CFAP52: variants seen among roughly 807,000 people sequenced by gnomAD.
CFAP52 encodes the protein cilia and flagella associated protein 52.
In CFAP52, 57 loss-of-function variants were observed where a neutral mutation model predicts 70.5. The observed-to-expected ratio is 0.81, with a 90% CI of 0.65 to 1.01. The LOEUF (loss-of-function observed/expected upper bound fraction) is 1.01, where lower values mean the gene tolerates loss of function less well. CFAP52 is among the 50% of genes least tolerant of loss of function. The probability of loss-of-function intolerance (pLI) is 0.00; values close to 1 mark genes in which losing one functional copy is unlikely to be tolerated. For missense variants in CFAP52, 785 were observed against 788.5 expected (o/e 1.00, Z 0.05); for synonymous variants, 267 against 292.5 (o/e 0.91, Z 0.89).
At chr17:9,645,415 G>T, downstream of CFAP52, 1 of 297,306 alleles carries the variant, frequency 3.4e-6, no homozygotes, top group Non-Finnish European at 5.9e-6. This position sits in a 1 kb window ranked among gnomAD's most constrained non-coding sequence, Gnocchi z 6.8. Flanking sequence ...GGCAGGGGTA[G>T]GGGTGGCCCG....
At chr17:9,623,381 A>G (rs1910119245) in intron 8 of CFAP52, among the ~76,000 whole-genome samples, 2 of 152,094 alleles carry the variant, frequency 1.3e-5, no homozygotes, top group African/African-American at 4.8e-5. Context: ...ATCCATTCTG[A>G]TAATCTCTGC....
At chr17:9,600,044 A>T in intron 5 of CFAP52, 23 bp from the exon 6 acceptor site, 1 of 1,608,890 alleles carries the variant, frequency 6.2e-7, no homozygotes, top group Non-Finnish European at 8.5e-7. Flanking sequence ...GCTGGCCAAG[A>T]TTTCTTTTTC....
chr17:9,599,174 C>T (rs1377435673), intron 5 of CFAP52, among the ~76,000 whole-genome samples: 1 of 152,160 alleles, frequency 6.6e-6, no homozygotes, highest in African/African-American at 2.4e-5. Context: ...CTTCCAAGTT[C>T]AGCATCTCTA....
At chr17:9,592,349 A>AC (rs1908802787) in intron 3 of CFAP52, among the ~76,000 whole-genome samples, 1 of 151,914 alleles carries the variant, frequency 6.6e-6, no homozygotes, top group African/African-American at 2.4e-5. Flanking sequence ...GGCCCCTGTA[A>AC]CCCCAGCTAC....
At chr17:9,633,675 C>CTT (rs555923244) in intron 10 of CFAP52, among the ~76,000 whole-genome samples, 8 of 138,542 alleles carry the variant, frequency 5.8e-5, no homozygotes, top group South Asian at 2.3e-4. Context: ...GTCATCTTAT[C>CTT]TTTTTTTTTT....
In CFAP52 at chr17:9,612,420, CAA is replaced by C. The variant is rs774470421; in HGVS notation, c.968_969del (p.Lys323ArgfsTer10). The C allele has an allele frequency of 7.4e-6, 12 of 1,614,052 alleles. No homozygotes were observed. The highest frequency in any genetic ancestry group is 1.0e-5 in the Non-Finnish European group (12 of 1,180,044). ...TTTATCGTGTCAGCTTCACGGATTT[CAA>C]AGAGACGCTCATAGCGACTTGTCAC... The part of the protein sequence containing the change: ...HIYRVSFTDF[K>X]ETLIATCHFD... On this transcript the variant is annotated frameshift_variant, in exon 8 of 14. Transcript: ENST00000352665. LOFTEE classifies it high-confidence loss of function.
At chr17:9,594,946 G>A (rs1279819032) in intron 4 of CFAP52, among the ~76,000 whole-genome samples, 2 of 146,044 alleles carry the variant, frequency 1.4e-5, no homozygotes, top group Non-Finnish European at 3.0e-5. Flanking sequence ...GCTGTAGTGC[G>A]GTGGCATGAT....
At position 9,629,609 on chromosome 17, in the gene CFAP52, G is replaced by A. The variant is rs377327479; in HGVS notation, c.1174+789G>A. ...GTTGCCCAAGCTGGAGTGCAATGGC[G>A]CGATCTAGGCTCACTGCAACCTCTG... On this transcript the variant is annotated intron_variant, in intron 9 of 13. Coordinates refer to ENST00000352665, the MANE Select transcript of CFAP52 (RefSeq NM_145054.5). 6.9e-5 allele frequency among the ~76,000 whole-genome samples: 10 copies of A among 145,756 alleles called. No individual in the cohort carries two copies. The South Asian group carries it at 8.6e-4, about 13-fold the overall frequency.
At chr17:9,635,365 C>T (rs1413442891) in intron 10 of CFAP52, 40 bp from the exon 11 acceptor site, 2 of 1,611,598 alleles carry the variant, frequency 1.2e-6, no homozygotes, top group Non-Finnish European at 1.7e-6. Flanking sequence ...CTTCAGAAGT[C>T]CCAAGTGTGG....
At chr17:9,641,904 C>A in intron 13 of CFAP52, 69 bp downstream of exon 13, 1 of 1,383,994 alleles carries the variant, frequency 7.2e-7, no homozygotes, top group Non-Finnish European at 1.0e-6. Context: ...AACTCCCAGG[C>A]TAGAGGCAAT....
rs539397527 is a variant in CFAP52, at chr17:9,631,633, T to C, written c.1175-1255T>C. Among the ~76,000 whole-genome samples, 5 of 151,562 alleles carry C rather than the reference T, an allele frequency of 3.3e-5. No homozygotes were observed. The East Asian group carries it at 9.7e-4, about 29-fold the overall frequency. On this transcript the variant is annotated intron_variant, in intron 9 of 13. Coordinates refer to ENST00000352665, the MANE Select transcript of CFAP52 (RefSeq NM_145054.5). ...GCTTAGTGGGTAGTTGGGCTAGGGG[T>C]GCAGGGACAGCCAGTAAAAGAAGTT...
At position 9,585,913 on chromosome 17, in the gene CFAP52, G is replaced by A. The variant is rs2151927924; in HGVS notation, c.211G>A (p.Ala71Thr). Residue 71 changes from alanine to threonine, a missense_variant, in exon 2 of 14, where the codon GCC (alanine) becomes ACC (threonine). Physicochemically the swap from Ala to Thr is moderately conservative, Grantham distance 58. Coordinates refer to ENST00000352665, the MANE Select transcript of CFAP52 (RefSeq NM_145054.5). ...QGHGNNVSCL[A>T]ISRSGEYIAS... is the part of the protein sequence containing the mutation. ...TCATGGCAACAACGTCTCCTGCTTG[G>A]CCATCTCCAGGTCTGGAGAGTACAT... 1 of 1,613,680 alleles carries A rather than the reference G, an allele frequency of 6.2e-7. No individual in the cohort carries two copies. The highest frequency in any genetic ancestry group is 8.5e-7 in the Non-Finnish European group (1 of 1,179,932).
In CFAP52 at chr17:9,635,530, T is replaced by C. The variant is rs1273093753; in HGVS notation, c.1446T>C (p.Asp482=). The C allele has an allele frequency of 2.5e-5, 40 of 1,614,074 alleles. No individual in the cohort carries two copies. Among genetic ancestry groups the C allele is most frequent in the Non-Finnish European group, 3.2e-5 (38 of 1,180,046 alleles). The change falls in exon 11 of 14, where the codon GAT becomes GAC. Residue 482 remains aspartate, a synonymous_variant. Coordinates refer to ENST00000352665, the MANE Select transcript of CFAP52 (RefSeq NM_145054.5). The part of the protein sequence containing the change: ...NNEECVTAST[D]GTCIIWDLVR... ...AGGAGTGTGTCACCGCCAGCACCGA[T>C]GGGACTTGTATCATTTGGGACCTTG...
chr17:9,625,565 C>T (rs1311390847), intron 8 of CFAP52, among the ~76,000 whole-genome samples: 1 of 152,176 alleles, frequency 6.6e-6, no homozygotes, highest in Non-Finnish European at 1.5e-5. Context: ...GCCCTCAACT[C>T]TGATCTCTAG....
At chr17:9,589,611 T>G (rs1908650847) in intron 3 of CFAP52, among the ~76,000 whole-genome samples, 1 of 151,870 alleles carries the variant, frequency 6.6e-6, no homozygotes, top group Non-Finnish European at 1.5e-5. Context: ...CAGGCGCCTG[T>G]AATCCCATCT....
In CFAP52 at chr17:9,600,133, AG is replaced by A. The variant is rs752819814; in HGVS notation, c.705del (p.Thr236LeufsTer4). 7.1e-5 allele frequency: 114 copies of A among 1,614,060 alleles called. 1 individual carries two copies. In the African/African-American group the frequency reaches 1.5e-3, roughly 21 times the overall value. Reference sequence around the variant, plus strand: ...TGGAGATATTCTAAAAATGAACCCCAGGACTAAACTGCTGACAGATGTTGGG... The same window carrying A: ...TGGAGATATTCTAAAAATGAACCCCAGACTAAACTGCTGACAGATGTTGGG... ...TTGDILKMNP[R>X]TKLLTDVGPA... On this transcript the variant is annotated frameshift_variant, in exon 6 of 14. Coordinates refer to ENST00000352665, the MANE Select transcript of CFAP52 (RefSeq NM_145054.5). LOFTEE classifies it high-confidence loss of function.
chr17:9,616,469 G>T (rs1325417210), intron 8 of CFAP52, among the ~76,000 whole-genome samples: 1 of 136,952 alleles, frequency 7.3e-6, no homozygotes, highest in South Asian at 2.5e-4. Context: ...CAAAGCAGCC[G>T]GGAAGCTCGA....
At chr17:9,639,274 A>T (rs903878689) in intron 12 of CFAP52, 1 of 152,414 alleles carries the variant, frequency 6.6e-6, no homozygotes, top group Non-Finnish European at 1.5e-5. Flanking sequence ...TACAAAAAAT[A>T]CAAAAAATTA....
intron 4 of CFAP52, 128 bp downstream of exon 4, chr17:9,594,449 T>A (rs935691726): frequency 8.0e-7 from 1 of 1,255,482 alleles, no homozygotes; most frequent in African/African-American, 1.5e-5. Flanking sequence ...TCATAGTTTT[T>A]GTGATTTTGT....
Sources: allele counts gnomAD v4.1 joint callset (sites outside exome capture counted in the v4.1 genomes callset), GRCh38; gene constraint gnomAD v4.1.1; non-coding constraint Gnocchi (gnomAD v3.1); transcripts MANE v1.5; gene names NCBI Gene and HGNC (gene_info 2026-07-23, HGNC 2026-07-21).